Variants in CDK13 observed in about 807,000 individuals in gnomAD.
CDK13 encodes cyclin dependent kinase 13.
In CDK13, 40 loss-of-function variants were observed where a neutral mutation model predicts 137.6. The observed-to-expected ratio is 0.29, with a 90% CI of 0.23 to 0.38. The LOEUF is 0.38. CDK13 is among the 10% of genes least tolerant of loss of function. The pLI, the probability that CDK13 is intolerant of heterozygous loss-of-function variation, is 1.00. For missense variants in CDK13, 1,704 were observed against 1,951.8 expected (o/e 0.87, Z 2.39); for synonymous variants, 869 against 760.1 (o/e 1.14, Z -2.36).
At chr7:39,963,033 A>C (rs1483540078) in intron 1 of CDK13, among the ~76,000 whole-genome samples, 4 of 152,150 alleles carry the variant, frequency 2.6e-5, no homozygotes, top group African/African-American at 4.8e-5. Flanking sequence ...GTAGCCTTGT[A>C]GTATAGTTTG....
chr7:40,075,530 A>G (rs1460654167), intron 9 of CDK13, among the ~76,000 whole-genome samples: 3 of 152,192 alleles, frequency 2.0e-5, no homozygotes, highest in Non-Finnish European at 4.4e-5. Context: ...GTTGTTTATT[A>G]TAAGACTATT....
At chr7:40,007,038 C>T (rs1232446477) in intron 5 of CDK13, among the ~76,000 whole-genome samples, 2 of 152,088 alleles carry the variant, frequency 1.3e-5, no homozygotes, top group Non-Finnish European at 2.9e-5. Flanking sequence ...AATCTGTGAC[C>T]TTATACCTTA....
chr7:40,044,006 T>G (rs1053604275), intron 5 of CDK13, among the ~76,000 whole-genome samples: 1 of 151,262 alleles, frequency 6.6e-6, no homozygotes, highest in African/African-American at 2.4e-5. Flanking sequence ...AAGTGATTCT[T>G]CTGCCTCAGC....
chr7:39,979,926 A>G (rs1211385865), intron 1 of CDK13, among the ~76,000 whole-genome samples: 4 of 152,154 alleles, frequency 2.6e-5, no homozygotes, highest in Non-Finnish European at 4.4e-5. Context: ...GAATGTAGAC[A>G]GCCTGTGGAA....
At chr7:39,954,026 T>C (rs1583899301) in intron 1 of CDK13, among the ~76,000 whole-genome samples, 1 of 152,264 alleles carries the variant, frequency 6.6e-6, no homozygotes, top group Non-Finnish European at 1.5e-5. Flanking sequence ...CGTTGAATTA[T>C]TCAATATCCC....
chr7:39,951,948 G>T, intron 1 of CDK13, 96 bp downstream of exon 1: 1 of 1,236,024 alleles, frequency 8.1e-7, no homozygotes, highest in Non-Finnish European at 1.0e-6. Context: ...GAACGACTCA[G>T]GTCCACCACC....
intron 1 of CDK13, among the ~76,000 whole-genome samples, chr7:39,981,816 G>T (rs1456178120): frequency 1.3e-5 from 2 of 148,238 alleles, no homozygotes; most frequent in East Asian, 3.9e-4. Context: ...TTTTGAGACG[G>T]AGTCTCGCTC....
Position 39,950,346 on chromosome 7 carries a change from G to T in CDK13, c.-296G>T. 8.5e-7 allele frequency: 1 copy of T among 1,173,992 alleles called. No individual in the cohort carries two copies. Among genetic ancestry groups the T allele is most frequent in the African/African-American group, 1.6e-5 (1 of 63,240 alleles). The allele number at this position is 1,173,992 out of a possible 1,614,324, so 72.7% of individuals were successfully genotyped here. A position where few individuals can be genotyped will look rare whatever the true frequency, so the allele number is the denominator to read the frequency against. On this transcript the variant is annotated 5_prime_UTR_variant, in exon 1 of 14. In the 5' UTR this introduces an upstream ATG that the reference lacks. Transcript: ENST00000181839. ...TTGGAGGACTCGGGACTCCCCCGCA[G>T]GTCAGCGCCCGGCGCATCTGGTGTT...
chr7:40,091,352 A>T (rs908708540), intron 12 of CDK13, among the ~76,000 whole-genome samples: 7 of 150,042 alleles, frequency 4.7e-5, no homozygotes, highest in Middle Eastern at 3.4e-3. Context: ...CGTCTCAAAA[A>T]AAATAAATAA....
intron 5 of CDK13, among the ~76,000 whole-genome samples, chr7:40,011,963 G>A (rs1784904005): frequency 6.6e-6 from 1 of 152,120 alleles, no homozygotes; most frequent in African/African-American, 2.4e-5. Flanking sequence ...ATTAAAAAGT[G>A]GGCAAGGGAT....
intron 11 of CDK13, among the ~76,000 whole-genome samples, chr7:40,081,262 A>G (rs1786656952): frequency 6.6e-6 from 1 of 152,186 alleles, no homozygotes; most frequent in Admixed American, 6.5e-5. Flanking sequence ...AGAGAACATA[A>G]TGTTACTTTG....
At chr7:40,016,439 A>C (rs1583992246) in intron 5 of CDK13, among the ~76,000 whole-genome samples, 1 of 152,340 alleles carries the variant, frequency 6.6e-6, no homozygotes, top group Non-Finnish European at 1.5e-5. Context: ...TGTCACTGTT[A>C]CTATGCCATG....
At chr7:40,038,974 C>T (rs918046162) in intron 5 of CDK13, among the ~76,000 whole-genome samples, 16 of 152,172 alleles carry the variant, frequency 1.1e-4, no homozygotes, top group Admixed American at 2.6e-4. Flanking sequence ...GGATTATAGG[C>T]GTGAGCCACT....
chr7:39,958,606 C>A (rs553663753), intron 1 of CDK13, among the ~76,000 whole-genome samples: 1 of 152,160 alleles, frequency 6.6e-6, no homozygotes, highest in East Asian at 1.9e-4. Flanking sequence ...TACAGCATAC[C>A]ATTTTTATTA....
chr7:39,958,906 G>A (rs1053852869), intron 1 of CDK13, among the ~76,000 whole-genome samples: 1 of 152,084 alleles, frequency 6.6e-6, no homozygotes, highest in African/African-American at 2.4e-5. Context: ...CATTTCCTGA[G>A]TCTCACCAAC....
chr7:40,057,762 A>G (rs1272775065), intron 7 of CDK13, among the ~76,000 whole-genome samples: 1 of 152,240 alleles, frequency 6.6e-6, no homozygotes, highest in East Asian at 1.9e-4. Flanking sequence ...ATCTTAGATG[A>G]CAGCATCAGT....
At chr7:40,073,091 A>G (rs1786458297) in intron 9 of CDK13, 2 of 152,218 alleles carry the variant, frequency 1.3e-5, no homozygotes, top group Non-Finnish European at 2.9e-5. Flanking sequence ...CATTCTTCCC[A>G]GGGCTAAACA....
chr7:40,017,829 T>A (rs1221351631), intron 5 of CDK13, among the ~76,000 whole-genome samples: 2 of 151,938 alleles, frequency 1.3e-5, no homozygotes, highest in African/African-American at 4.8e-5. Flanking sequence ...TTAAAAAAAA[T>A]TCTATTATAG....
At chr7:39,992,163 G>GGTGTGTGTGTGTGTGT (rs140203379) in intron 2 of CDK13, among the ~76,000 whole-genome samples, 4 of 146,310 alleles carry the variant, frequency 2.7e-5, no homozygotes, top group Non-Finnish European at 4.5e-5. Flanking sequence ...AACTAATGAG[G>GGTGTGTGTGTGTGTGT]GTGTGTGTGT....
Sources: gnomAD v4.1 joint callset for allele counts (sites outside exome capture counted in the v4.1 genomes callset) on GRCh38, gnomAD v4.1.1 for gene constraint, MANE v1.5 for transcripts, NCBI Gene and HGNC (gene_info 2026-07-23, HGNC 2026-07-21) for gene names.